Variants in KSR2 observed in about 807,000 individuals in gnomAD.
KSR2 encodes the protein kinase suppressor of ras 2.
Under a neutral mutation model 107.8 loss-of-function variants are expected in KSR2, and 25 were observed. That is an observed-to-expected ratio of 0.23 (90% CI 0.17 to 0.32). The LOEUF is 0.32. Ranked by LOEUF, KSR2 falls within the 10% of genes least tolerant of loss-of-function variation. The probability of loss-of-function intolerance (pLI) is 1.00; values close to 1 mark genes in which losing one functional copy is unlikely to be tolerated. For synonymous variants in KSR2, 480 were observed against 507.0 expected (o/e 0.95, Z 0.71); for missense variants, 887 against 1,268.9 (o/e 0.70, Z 4.57).
rs1178236894 is a variant in KSR2 at position 117,968,629 on chromosome 12, G to A, written c.-374C>T. 3.5e-6 allele frequency: 1 copy of A among 284,384 alleles called. No homozygotes were observed. The allele number at this position is 284,384 out of a possible 1,614,324, so 17.6% of individuals were successfully genotyped here. ...AGAGGAGAAGGAGGAGAGAGAGGAG[G>A]AGGGAGAGGAGGAGGAGGGAGAGGA... On this transcript the variant is annotated 5_prime_UTR_variant, in exon 1 of 20. Coordinates refer to ENST00000339824, the MANE Select transcript of KSR2 (RefSeq NM_173598.6).
intron 1 of KSR2, among the ~76,000 whole-genome samples, chr12:117,911,900 C>A (rs893101961): frequency 6.6e-6 from 1 of 152,206 alleles, no homozygotes; most frequent in South Asian, 2.1e-4. Context: ...GCCAGGAGAA[C>A]CACTTGCCCT....
At chr12:117,492,838 T>C (rs1346785972) in intron 14 of KSR2, among the ~76,000 whole-genome samples, 1 of 151,940 alleles carries the variant, frequency 6.6e-6, no homozygotes, top group Admixed American at 6.6e-5. Flanking sequence ...CAACCCACCA[T>C]CGCTGACTTT....
At chr12:117,965,756 C>A (rs1042433673) in intron 1 of KSR2, among the ~76,000 whole-genome samples, 2 of 152,194 alleles carry the variant, frequency 1.3e-5, no homozygotes, top group Non-Finnish European at 2.9e-5. Context: ...GATTCCTTGA[C>A]CCTCTTGCTA....
At chr12:117,547,512 C>T (rs1434467542) in intron 9 of KSR2, among the ~76,000 whole-genome samples, 1 of 152,084 alleles carries the variant, frequency 6.6e-6, no homozygotes, top group Non-Finnish European at 1.5e-5. Context: ...CCTTCTCTAA[C>T]ACCAGCCTGG....
intron 1 of KSR2, among the ~76,000 whole-genome samples, chr12:117,937,053 AC>A (rs1895868942): frequency 6.6e-6 from 1 of 152,122 alleles, no homozygotes. Flanking sequence ...CTTACTGAAG[AC>A]CCCAGCTACC....
At chr12:117,571,241 G>T (rs1477839066) in intron 7 of KSR2, among the ~76,000 whole-genome samples, 1 of 152,144 alleles carries the variant, frequency 6.6e-6, no homozygotes, top group Non-Finnish European at 1.5e-5. Context: ...CTGGGCAACA[G>T]AGTGAGACTC....
At chr12:117,806,246 C>T (rs1035548796) in intron 3 of KSR2, among the ~76,000 whole-genome samples, 5 of 152,282 alleles carry the variant, frequency 3.3e-5, no homozygotes, top group Admixed American at 2.0e-4. Flanking sequence ...TCACATGCGG[C>T]ATATTCCAAT....
At chr12:117,601,591 A>C (rs2136292286) in intron 5 of KSR2, among the ~76,000 whole-genome samples, 1 of 152,278 alleles carries the variant, frequency 6.6e-6, no homozygotes, top group South Asian at 2.1e-4. Flanking sequence ...GTGAATGCCA[A>C]GGATGCTGGC....
At chr12:117,919,590 T>C (rs1284046344) in intron 1 of KSR2, among the ~76,000 whole-genome samples, 2 of 152,256 alleles carry the variant, frequency 1.3e-5, no homozygotes, top group Non-Finnish European at 1.5e-5. Context: ...TAGTCACTAA[T>C]GCTACTCACT....
intron 3 of KSR2, among the ~76,000 whole-genome samples, chr12:117,773,280 G>A (rs1889572093): frequency 1.3e-5 from 2 of 152,188 alleles, no homozygotes; most frequent in South Asian, 4.1e-4. Context: ...CTTGAAATGG[G>A]TGGGGAGAAG....
chr12:117,905,495 A>T (rs983710532), intron 1 of KSR2, among the ~76,000 whole-genome samples: 1 of 152,162 alleles, frequency 6.6e-6, no homozygotes, highest in African/African-American at 2.4e-5. Flanking sequence ...GGACACCTTC[A>T]CCTCTAGAAC....
chr12:117,569,381 A>G (rs183268781), intron 7 of KSR2, among the ~76,000 whole-genome samples: 1 of 152,358 alleles, frequency 6.6e-6, no homozygotes, highest in East Asian at 1.9e-4. Flanking sequence ...GACTGTTTAC[A>G]TAAAAAGAAG....
At chr12:117,652,568 C>G (rs2138698) in intron 5 of KSR2, among the ~76,000 whole-genome samples, 138,964 of 152,248 alleles carry the variant, frequency 0.91, 63,639 homozygotes, top group East Asian at 0.99. Flanking sequence ...GAATGAAGGG[C>G]AGGCTGGGTC....
chr12:117,520,443 T>C (rs764259516), intron 14 of KSR2, among the ~76,000 whole-genome samples: 55 of 152,198 alleles, frequency 3.6e-4, no homozygotes, highest in Non-Finnish European at 6.8e-4. Flanking sequence ...TGGCTTCTGC[T>C]GGTTCAGAGC....
At chr12:117,510,251 T>C (rs1167661666) in intron 14 of KSR2, among the ~76,000 whole-genome samples, 1 of 152,234 alleles carries the variant, frequency 6.6e-6, no homozygotes, top group Non-Finnish European at 1.5e-5. Flanking sequence ...GGACACACAG[T>C]CAATACTTCT....
intron 5 of KSR2, among the ~76,000 whole-genome samples, chr12:117,627,252 A>G (rs898320615): frequency 3.3e-5 from 5 of 152,040 alleles, no homozygotes; most frequent in African/African-American, 1.2e-4. Context: ...TATGATGTTC[A>G]CTGGTTATTT....
intron 5 of KSR2, among the ~76,000 whole-genome samples, chr12:117,629,313 T>A (rs1347968107): frequency 6.6e-6 from 1 of 152,244 alleles, no homozygotes; most frequent in Non-Finnish European, 1.5e-5. Context: ...ACCAGAGCTG[T>A]TCCTATTTGG....
chr12:117,716,890 T>C (rs572333753), intron 4 of KSR2, among the ~76,000 whole-genome samples: 340 of 152,384 alleles, frequency 2.2e-3, no homozygotes, highest in Non-Finnish European at 3.9e-3. Context: ...TGAGATTTTC[T>C]GGCTTTGTTT....
chr12:117,686,886 C>G (rs189407416), intron 4 of KSR2, among the ~76,000 whole-genome samples: 1 of 152,144 alleles, frequency 6.6e-6, no homozygotes, highest in Non-Finnish European at 1.5e-5. Context: ...CTGAAATCCA[C>G]GCATCAGAGC....
Sources: gnomAD v4.1 joint callset for allele counts (sites outside exome capture counted in the v4.1 genomes callset) on GRCh38, gnomAD v4.1.1 for gene constraint, MANE v1.5 for transcripts, NCBI Gene and HGNC (gene_info 2026-07-23, HGNC 2026-07-21) for gene names.